The following BCAS1 variants were observed in gnomAD, a reference collection of about 807,000 sequenced individuals.
BCAS1 encodes the protein brain enriched myelin associated protein 1, also known as breast carcinoma-amplified sequence 1.
A neutral mutation model predicts 65.4 loss-of-function variants in BCAS1; 46 were observed. That is an observed-to-expected ratio of 0.70 (90% CI 0.55 to 0.90). BCAS1 has a LOEUF of 0.90. BCAS1 is among the 40% of genes least tolerant of loss of function. The pLI is 0.00. For synonymous variants in BCAS1, 298 were observed against 293.5 expected (o/e 1.02, Z -0.16); for missense variants, 793 against 771.2 (o/e 1.03, Z -0.33).
At chr20:53,947,874 A>G (rs750396740) in intron 12 of BCAS1, among the ~76,000 whole-genome samples, 2 of 152,144 alleles carry the variant, frequency 1.3e-5, no homozygotes, top group Non-Finnish European at 2.9e-5. Flanking sequence ...CTCACAAAAT[A>G]GCCTTTCCTG....
chr20:53,995,193 A>G (rs1396273804), intron 5 of BCAS1, 137 bp from the exon 6 acceptor site: 1 of 707,596 alleles, frequency 1.4e-6, no homozygotes, highest in Admixed American at 2.7e-5. Context: ...TTTTAGTTCA[A>G]TAGAAATCTC....
intron 9 of BCAS1, among the ~76,000 whole-genome samples, chr20:53,970,826 C>T (rs527851782): frequency 7.9e-5 from 12 of 152,034 alleles, no homozygotes; most frequent in Non-Finnish European, 7.4e-5. Context: ...TCATGCACAA[C>T]GTCATATTAA....
chr20:54,035,555 T>C (rs1478490598), intron 3 of BCAS1, among the ~76,000 whole-genome samples: 2 of 150,280 alleles, frequency 1.3e-5, no homozygotes, highest in African/African-American at 2.4e-5. Context: ...AGTCAAAAAA[T>C]AAGATGCTGG....
At chr20:53,959,571 A>AT (rs1219769472) in intron 10 of BCAS1, among the ~76,000 whole-genome samples, 6 of 152,106 alleles carry the variant, frequency 3.9e-5, no homozygotes, top group East Asian at 3.9e-4. Context: ...TTTTTAAAAA[A>AT]TTTTTTTGCA....
intron 1 of BCAS1, among the ~76,000 whole-genome samples, chr20:54,065,159 T>C (rs1162577880): frequency 1.6e-5 from 2 of 128,862 alleles, no homozygotes; most frequent in Admixed American, 1.5e-4. Context: ...TATCTATCTA[T>C]CTATCATCTA....
intron 7 of BCAS1, among the ~76,000 whole-genome samples, chr20:53,987,894 G>A (rs1225232429): frequency 2.0e-5 from 3 of 152,130 alleles, no homozygotes; most frequent in African/African-American, 4.8e-5. Flanking sequence ...AAGGTCCTTC[G>A]GCAAGTATCG....
chr20:53,955,046 A>G (rs529478883), intron 11 of BCAS1, among the ~76,000 whole-genome samples: 2 of 152,392 alleles, frequency 1.3e-5, no homozygotes, highest in African/African-American at 4.8e-5. Flanking sequence ...ATACATGTGT[A>G]TAAGCATGAT....
At chr20:53,983,874 C>CTGAAGGA (rs1326918105) in intron 8 of BCAS1, among the ~76,000 whole-genome samples, 2 of 152,124 alleles carry the variant, frequency 1.3e-5, no homozygotes, top group East Asian at 3.9e-4. Context: ...GCTCTCTGTA[C>CTGAAGGA]CTAGCTCTGC....
Position 54,038,010 on chromosome 20 carries a change from G to A in BCAS1, c.143-9038C>T, listed in dbSNP as rs564956668. On this transcript the variant is annotated intron_variant, in intron 3 of 12. Transcript: ENST00000688948. ...AAAAATTAGGTTATGTCATTCATTT[G>A]CATAAAACCATCCAAAGAAGGGCCT... Among the ~76,000 whole-genome samples, 105 of 151,242 alleles carry A rather than the reference G, an allele frequency of 6.9e-4. 1 individual carries two copies. The highest frequency in any genetic ancestry group is 2.5e-3 in the African/African-American group (103 of 41,408).
At chr20:53,976,141 C>T (rs2090328346) in intron 8 of BCAS1, among the ~76,000 whole-genome samples, 1 of 152,282 alleles carries the variant, frequency 6.6e-6, no homozygotes, top group African/African-American at 2.4e-5. Context: ...GGAGTTATCC[C>T]GATTCTGTCA....
intron 4 of BCAS1, among the ~76,000 whole-genome samples, chr20:54,014,698 C>G (rs544417625): frequency 4.6e-5 from 7 of 152,310 alleles, no homozygotes; most frequent in African/African-American, 1.7e-4. Flanking sequence ...TGACTCCACT[C>G]CTTTCCATCT....
chr20:54,068,777 G>A (rs1354439833), intron 1 of BCAS1, among the ~76,000 whole-genome samples: 2 of 152,082 alleles, frequency 1.3e-5, no homozygotes, highest in Admixed American at 6.6e-5. Context: ...TTCAGGGCAG[G>A]GCACTTGGCT....
At chr20:54,050,608 T>C (rs1013887671) in intron 3 of BCAS1, among the ~76,000 whole-genome samples, 3 of 152,218 alleles carry the variant, frequency 2.0e-5, no homozygotes, top group Non-Finnish European at 4.4e-5. Context: ...ATGAATGGGA[T>C]GCGCTTAGCT....
chr20:54,011,366 G>GA (rs900472413), intron 4 of BCAS1, among the ~76,000 whole-genome samples: 65 of 150,882 alleles, frequency 4.3e-4, no homozygotes, highest in African/African-American at 1.3e-3. Flanking sequence ...ACATTTAAAA[G>GA]AAAAAAATTC....
chr20:53,998,752 T>C (rs573551544), intron 4 of BCAS1, among the ~76,000 whole-genome samples: 44 of 152,320 alleles, frequency 2.9e-4, no homozygotes, highest in Admixed American at 7.8e-4. Context: ...TAGTATAATT[T>C]GAACAAGGTC....
intron 7 of BCAS1, among the ~76,000 whole-genome samples, chr20:53,991,016 T>G (rs1402141719): frequency 6.6e-6 from 1 of 152,238 alleles, no homozygotes; most frequent in African/African-American, 2.4e-5. Context: ...ACATTGAACT[T>G]GGGTGGTCCC....
Position 53,960,489 on chromosome 20 carries a change from AAAAAAAAG to A in BCAS1, c.1486-3000_1486-2993del, listed in dbSNP as rs1437038399. On this transcript the variant is annotated intron_variant, in intron 10 of 12. Transcript: ENST00000688948. ...CTTCTTAAAAAAAAAAAAAAAAAAA[AAAAAAAAG>A]AGAGAGAGAGTATCTCAAACTTTTC... is the stretch of plus-strand genomic sequence containing the variant. Among the ~76,000 whole-genome samples, 911 of 140,624 alleles carry A rather than the reference AAAAAAAAG, an allele frequency of 6.5e-3. 24 individuals are homozygous for A. Among genetic ancestry groups the A allele is most frequent in the African/African-American group, 0.023 (866 of 37,602 alleles). The allele number at this position is 140,624 out of a possible 152,430, so 92.3% of individuals were successfully genotyped here. A position where few individuals can be genotyped will look rare whatever the true frequency, so the allele number is the denominator to read the frequency against.
chr20:54,061,004 T>C (rs1444148418), intron 1 of BCAS1, among the ~76,000 whole-genome samples: 3 of 152,176 alleles, frequency 2.0e-5, no homozygotes, highest in Non-Finnish European at 4.4e-5. Flanking sequence ...ATGTATGATA[T>C]ATAATAATAA....
Position 53,953,564 on chromosome 20 carries a change from C to A in BCAS1, c.1683G>T (p.Lys561Asn). ...ACTGGGCTGGTTCTTTGGCTTCCTG[C>A]TTGTTGCTCTTCTGCTTGTTCATCT... ...AAEMNKQKSN[K>N]QEAKEPAQCT... The change falls in exon 12 of 13, where the codon AAG becomes AAT. Residue 561 changes from lysine to asparagine, a missense_variant. Lys to Asn is a moderately conservative substitution (Grantham distance 94). Coordinates refer to ENST00000688948, the MANE Select transcript of BCAS1 (RefSeq NM_001366298.2). The A allele has an allele frequency of 1.2e-6, 2 of 1,613,920 alleles. No homozygotes were observed. The highest frequency in any genetic ancestry group is 1.7e-6 in the Non-Finnish European group (2 of 1,179,992).
Sources: allele counts gnomAD v4.1 joint callset (sites outside exome capture counted in the v4.1 genomes callset), GRCh38; gene constraint gnomAD v4.1.1; transcripts MANE v1.5; gene names NCBI Gene and HGNC (gene_info 2026-07-23, HGNC 2026-07-21).